Variants in DIO1 observed in about 807,000 individuals in gnomAD.
DIO1 encodes type I iodothyronine deiodinase.
In DIO1, 17 loss-of-function variants were observed where a neutral mutation model predicts 25.9. The observed-to-expected ratio is 0.66, with a 90% CI of 0.45 to 0.98. The LOEUF (loss-of-function observed/expected upper bound fraction) is 0.98, where lower values mean the gene tolerates loss of function less well. Among genes scored for constraint, DIO1 ranks in the 50% least tolerant of loss-of-function variants. The pLI is 0.00. For synonymous variants in DIO1, 115 were observed against 114.0 expected, an observed-to-expected ratio of 1.01 and a Z score of -0.05; for missense variants, 270 against 310.4, an observed-to-expected ratio of 0.87 and a Z score of 0.98.
At chr1:53,897,107 C>G (rs904992514) in intron 1 of DIO1, among the ~76,000 whole-genome samples, 6 of 152,232 alleles carry the variant, frequency 3.9e-5, no homozygotes, top group African/African-American at 1.4e-4. Context: ...GCCAGCTTGC[C>G]TCATGGCCAA....
rs375463355 is a variant in DIO1 at position 53,894,559 on chromosome 1, G to A, written c.337+12G>A. ...GGAGTTTATGCAAGGTCAGGAGGCTGCCACACACTTGAGGGGTGCTTGAAA... is the reference window on the plus strand; with the variant it reads ...GGAGTTTATGCAAGGTCAGGAGGCTACCACACACTTGAGGGGTGCTTGAAA... On this transcript the variant is annotated intron_variant, in intron 1 of 3. Transcript: ENST00000361921. The surrounding 1 kb of genome is among the most constrained non-coding windows in gnomAD (Gnocchi z 4.9). 1.1e-4 allele frequency: 179 copies of A among 1,606,022 alleles called. No individual in the cohort carries two copies. In the African/African-American group the frequency reaches 2.2e-3, roughly 20 times the overall value.
chr1:53,897,822 A>C (rs914750088), intron 1 of DIO1, among the ~76,000 whole-genome samples: 6 of 152,380 alleles, frequency 3.9e-5, no homozygotes, highest in Admixed American at 3.3e-4. Flanking sequence ...AGTGCACTCC[A>C]GCCTAGGTAA....
chr1:53,903,517 G>A (rs185916825), intron 1 of DIO1, among the ~76,000 whole-genome samples: 1 of 151,844 alleles, frequency 6.6e-6, no homozygotes, highest in African/African-American at 2.4e-5. Flanking sequence ...AAGACACGAT[G>A]CCAGGTCAAG....
chr1:53,906,057 G>A (rs1286245148), intron 2 of DIO1, 38 bp from the exon 3 acceptor site: 3 of 1,598,222 alleles, frequency 1.9e-6, no homozygotes, highest in Non-Finnish European at 2.6e-6. Flanking sequence ...AGTGTGTGCT[G>A]TGTCAATGGG....
chr1:53,896,114 T>C (rs1056501488), intron 1 of DIO1, among the ~76,000 whole-genome samples: 1 of 152,150 alleles, frequency 6.6e-6, no homozygotes, highest in Non-Finnish European at 1.5e-5. Context: ...ATCTCTGGAT[T>C]CCTCAGCATG....
intron 1 of DIO1, among the ~76,000 whole-genome samples, chr1:53,901,987 A>G (rs968487010): frequency 1.3e-5 from 2 of 149,376 alleles, no homozygotes; most frequent in African/African-American, 5.2e-5. Context: ...ACCTAGGATA[A>G]AATCCAGATT....
At chr1:53,896,453 A>G (rs1651085576) in intron 1 of DIO1, among the ~76,000 whole-genome samples, 1 of 152,032 alleles carries the variant, frequency 6.6e-6, no homozygotes. Flanking sequence ...CCTGGACTCA[A>G]GTGATCCACC....
At chr1:53,898,350 G>C (rs1216829482) in intron 1 of DIO1, among the ~76,000 whole-genome samples, 1 of 152,264 alleles carries the variant, frequency 6.6e-6, no homozygotes, top group Non-Finnish European at 1.5e-5. Context: ...GAGCTTACGG[G>C]GCCTTGTGTG....
At position 53,894,302 on chromosome 1, in the gene DIO1, T is replaced by C; in HGVS notation, c.92T>C (p.Ile31Thr). ...GTGGTCGTGGGTAAAGTGCTTCTGA[T>C]ATTGTTTCCAGACAGAGTCAAGCGG... ...VHVVVGKVLL[I>T]LFPDRVKRNI... The change falls in exon 1 of 4, where the codon ATA (isoleucine) becomes ACA (threonine). Residue 31 changes from isoleucine (I) to threonine (T), a missense_variant. Transcript: ENST00000361921. The surrounding 1 kb of genome is among the most constrained non-coding windows in gnomAD (Gnocchi z 4.9). 6.2e-7 allele frequency: 1 copy of C among 1,614,240 alleles called. No homozygotes were observed. The highest frequency in any genetic ancestry group is 8.5e-7 in the Non-Finnish European group (1 of 1,180,042).
chr1:53,902,801 C>CCTTGGGATTTAATGTT lies in DIO1; in HGVS notation c.338-1862_338-1847dup, dbSNP rs566864888. On this transcript the variant is annotated intron_variant, in intron 1 of 3. Coordinates refer to ENST00000361921, the MANE Select transcript of DIO1 (RefSeq NM_000792.7). The stretch of plus-strand genomic sequence containing the variant: ...GGACCTACACTCAAAAGGGCCTTGT[C>CCTTGGGATTTAATGTT]CTTGGGATTTAATGTTCTGCAGCAG... 3.7e-3 allele frequency among the ~76,000 whole-genome samples: 564 copies of CCTTGGGATTTAATGTT among 151,866 alleles called. 18 individuals carry two copies. Among genetic ancestry groups the CCTTGGGATTTAATGTT allele is most frequent in the African/African-American group, 0.013 (521 of 41,206 alleles).
intron 1 of DIO1, among the ~76,000 whole-genome samples, chr1:53,899,741 G>A (rs1454625760): frequency 6.6e-6 from 1 of 152,070 alleles, no homozygotes; most frequent in African/African-American, 2.4e-5. Context: ...GCAATGGCAC[G>A]ATCGTAGCTC....
chr1:53,906,071 C>G, intron 2 of DIO1, 24 bp from the exon 3 acceptor site: 1 of 1,611,928 alleles, frequency 6.2e-7, no homozygotes, highest in Non-Finnish European at 8.5e-7. Flanking sequence ...CAATGGGACT[C>G]GGTGCCTGGC....
Position 53,910,099 on chromosome 1 carries a change from T to C in DIO1, c.*100T>C. On this transcript the variant is annotated 3_prime_UTR_variant, in exon 4 of 4. Coordinates refer to ENST00000361921, the MANE Select transcript of DIO1 (RefSeq NM_000792.7). ...GGCTTTTACCCTTGACCTGTGTCCC[T>C]AGCTGAATCACTAGCTCAGATTTTT... is the stretch of plus-strand genomic sequence containing the variant. The C allele has an allele frequency of 2.0e-6, 2 of 1,003,826 alleles. No homozygotes were observed. Among genetic ancestry groups the C allele is most frequent in the Non-Finnish European group, 3.2e-6 (2 of 632,590 alleles). 62.2% of individuals were successfully genotyped at this position (1,003,826 alleles called of 1,614,324 possible). A position where few individuals can be genotyped will look rare whatever the true frequency, so the allele number is the denominator to read the frequency against.
At chr1:53,905,620 G>C (rs950377483) in intron 2 of DIO1, among the ~76,000 whole-genome samples, 14 of 152,190 alleles carry the variant, frequency 9.2e-5, no homozygotes, top group African/African-American at 3.1e-4. Context: ...CTGACGCCTA[G>C]GGTTTGCACT....
At chr1:53,908,690 G>A (rs1309870308) in intron 3 of DIO1, among the ~76,000 whole-genome samples, 1 of 152,144 alleles carries the variant, frequency 6.6e-6, no homozygotes, top group Non-Finnish European at 1.5e-5. Context: ...ATAAACGATT[G>A]GAGACATTGG....
chr1:53,894,325 C>A lies in DIO1; in HGVS notation c.115C>A (p.Arg39=). The change falls in exon 1 of 4, where the codon CGG becomes AGG. Residue 39 remains arginine, a synonymous_variant. Transcript: ENST00000361921. This position sits in a 1 kb window ranked among gnomAD's most constrained non-coding sequence, Gnocchi z 4.9. The part of the protein sequence containing the change: ...LLILFPDRVK[R]NILAMGEKTG... The stretch of plus-strand genomic sequence containing the variant: ...GATATTGTTTCCAGACAGAGTCAAG[C>A]GGAACATCCTGGCCATGGGCGAGAA... 6.2e-7 allele frequency: 1 copy of A among 1,614,192 alleles called. No individual in the cohort carries two copies. The highest frequency in any genetic ancestry group is 8.5e-7 in the Non-Finnish European group (1 of 1,180,038).
chr1:53,908,606 C>T (rs1651782088), intron 3 of DIO1, among the ~76,000 whole-genome samples: 1 of 152,070 alleles, frequency 6.6e-6, no homozygotes, highest in East Asian at 1.9e-4. Flanking sequence ...CTAGTGAGCA[C>T]AGTGAGTGAA....
intron 1 of DIO1, among the ~76,000 whole-genome samples, chr1:53,901,765 AGT>A (rs1651380925): frequency 6.6e-6 from 1 of 152,188 alleles, no homozygotes; most frequent in South Asian, 2.1e-4. Flanking sequence ...GTGCACCTAT[AGT>A]TCCAGCTACT....
chr1:53,900,931 C>T (rs1651324978), intron 1 of DIO1, among the ~76,000 whole-genome samples: 2 of 150,176 alleles, frequency 1.3e-5, no homozygotes, highest in East Asian at 3.9e-4. Context: ...GCTCCAGCCT[C>T]AGCCTCTTGA....
Sources: allele counts gnomAD v4.1 joint callset (sites outside exome capture counted in the v4.1 genomes callset), GRCh38; gene constraint gnomAD v4.1.1; non-coding constraint Gnocchi (gnomAD v3.1); transcripts MANE v1.5; gene names NCBI Gene and HGNC (gene_info 2026-07-23, HGNC 2026-07-21).